The following MACROH2A1 variants were observed in gnomAD, a reference collection of about 807,000 sequenced individuals.
The protein encoded by MACROH2A1 is macroH2A.1 histone, also known as core histone macro-H2A.1.
MACROH2A1 carries 2 observed loss-of-function variants against 31.6 expected under a neutral mutation model. The ratio of observed to expected loss-of-function variants is 0.06; its 90% CI spans 0.03 to 0.20. The LOEUF (loss-of-function observed/expected upper bound fraction) is 0.20, where lower values mean the gene tolerates loss of function less well. Among genes scored for constraint, MACROH2A1 ranks in the 10% least tolerant of loss-of-function variants. The pLI is 1.00. For synonymous variants in MACROH2A1, 169 were observed against 189.6 expected (o/e 0.89, Z 0.89); for missense variants, 230 against 474.0 (o/e 0.49, Z 4.78).
chr5:135,339,380 C>G (rs780254538), intron 8 of MACROH2A1, among the ~76,000 whole-genome samples: 1 of 152,208 alleles, frequency 6.6e-6, no homozygotes, highest in Admixed American at 6.5e-5. Context: ...TCTCAGCCCT[C>G]TCCTTGAGTG....
At position 135,399,221 on chromosome 5, in the gene MACROH2A1, G is replaced by T. The variant is rs980137119; in HGVS notation, c.-193C>A. 1 of 151,976 alleles carries T rather than the reference G, an allele frequency of 6.6e-6. No homozygotes were observed. The highest frequency in any genetic ancestry group is 1.5e-5 in the Non-Finnish European group (1 of 68,040). The allele number at this position is 151,976 out of a possible 1,614,324, so 9.4% of individuals were successfully genotyped here. A position where few individuals can be genotyped will look rare whatever the true frequency, so the allele number is the denominator to read the frequency against. On this transcript the variant is annotated 5_prime_UTR_variant, in exon 1 of 9. Coordinates refer to ENST00000511689, the MANE Select transcript of MACROH2A1 (RefSeq NM_138610.3). The surrounding 1 kb of genome is among the most constrained non-coding windows in gnomAD (Gnocchi z 4.5). Reference sequence around the variant, plus strand: ...TCCCCCTCCGCCCGGCGCCGCTGCCGAGTGAACTGGAACCAGTCCTCGCGG... The same window carrying T: ...TCCCCCTCCGCCCGGCGCCGCTGCCTAGTGAACTGGAACCAGTCCTCGCGG...
intron 5 of MACROH2A1, chr5:135,356,935 G>A (rs1052730929): frequency 2.6e-5 from 4 of 152,164 alleles, no homozygotes; most frequent in Admixed American, 6.5e-5. Flanking sequence ...AACAGATAAG[G>A]AAGGAAGCCT....
intron 6 of MACROH2A1, chr5:135,351,013 G>C (rs1459062736): frequency 9.2e-6 from 7 of 757,684 alleles, no homozygotes; most frequent in Non-Finnish European, 1.4e-5. Context: ...CTACCTGGTC[G>C]ATTCCAACAT....
intron 2 of MACROH2A1, among the ~76,000 whole-genome samples, chr5:135,382,909 A>T (rs958113058): frequency 5.3e-5 from 8 of 152,174 alleles, no homozygotes; most frequent in Non-Finnish European, 1.0e-4. Context: ...AGAACCAGAT[A>T]AAAACTGTTT....
intron 4 of MACROH2A1, among the ~76,000 whole-genome samples, chr5:135,367,220 A>G (rs1763619210): frequency 6.6e-6 from 1 of 152,222 alleles, no homozygotes; most frequent in African/African-American, 2.4e-5. Flanking sequence ...AGCTGACACC[A>G]CAATTTACAT....
At chr5:135,385,629 C>T (rs1324454825) in intron 2 of MACROH2A1, among the ~76,000 whole-genome samples, 2 of 152,142 alleles carry the variant, frequency 1.3e-5, no homozygotes, top group Non-Finnish European at 2.9e-5. Context: ...AGGGGCTGGC[C>T]TGGCACCCAG....
In MACROH2A1 at chr5:135,360,558, T is replaced by C. The variant is rs762516461; in HGVS notation, c.527A>G (p.Glu176Gly). Residue 176 changes from glutamate to glycine, a missense_variant, in exon 5 of 9, where the codon GAG becomes GGG. Coordinates refer to ENST00000511689, the MANE Select transcript of MACROH2A1 (RefSeq NM_138610.3). ...SKAASADSTTEGTPADGFTVL... is the reference protein window; with the variant it reads ...SKAASADSTTGGTPADGFTVL... ...TGTGAAGCCGTCGGCAGGTGTGCCC[T>C]CGGTTGTGCTGTCGGCGCTGGCTGC... The C allele has an allele frequency of 1.2e-6, 2 of 1,613,996 alleles. No homozygotes were observed. Among genetic ancestry groups the C allele is most frequent in the Non-Finnish European group, 1.7e-6 (2 of 1,179,996 alleles).
chr5:135,343,443 G>A lies in MACROH2A1; in HGVS notation c.779-9C>T. 1 of 1,613,004 alleles carries A rather than the reference G, an allele frequency of 6.2e-7. No individual in the cohort carries two copies. Among genetic ancestry groups the A allele is most frequent in the Non-Finnish European group, 8.5e-7 (1 of 1,179,196 alleles). On this transcript the variant is annotated splice_polypyrimidine_tract_variant and intron_variant, in intron 7 of 8. Coordinates refer to ENST00000511689, the MANE Select transcript of MACROH2A1 (RefSeq NM_138610.3). ...GCCTGCGCTGACAGCAGCTAGTGGT[G>A]CGGGGATGAAACAGAAACAGTGAGC...
rs750002834 is a variant in MACROH2A1, at chr5:135,346,045, T to C, written c.701A>G (p.Glu234Gly). 6.2e-7 allele frequency: 1 copy of C among 1,613,204 alleles called. No homozygotes were observed. Among genetic ancestry groups the C allele is most frequent in the Non-Finnish European group, 8.5e-7 (1 of 1,179,144 alleles). The change falls in exon 7 of 9, where the codon GAG becomes GGG. Residue 234 changes from glutamate to glycine, a missense_variant. Transcript: ENST00000511689. ...DLKDDLGNTL[E>G]KKGGKEFVEA... ...CACAAACTCCTTGCCACCTTTCTTC[T>C]CCAGCGTGTTTCCTAGACAAGGACA...
At chr5:135,391,015 G>A (rs1360365629) in intron 1 of MACROH2A1, among the ~76,000 whole-genome samples, 1 of 152,176 alleles carries the variant, frequency 6.6e-6, no homozygotes, top group Admixed American at 6.5e-5. Flanking sequence ...GCTCACTGAG[G>A]GCTAGAGAGA....
At chr5:135,384,008 G>A (rs1766049286) in intron 2 of MACROH2A1, among the ~76,000 whole-genome samples, 2 of 152,128 alleles carry the variant, frequency 1.3e-5, no homozygotes, top group South Asian at 4.1e-4. Flanking sequence ...CTGAGTCCAG[G>A]ACACATTTGA....
At chr5:135,351,005 A>G in intron 6 of MACROH2A1, 2 of 829,304 alleles carry the variant, frequency 2.4e-6, no homozygotes, top group South Asian at 3.1e-5. Flanking sequence ...GGGCTGGCCT[A>G]CCTGGTCGAT....
Position 135,334,838 on chromosome 5 carries a change from C to A in MACROH2A1, c.*138G>T. On this transcript the variant is annotated 3_prime_UTR_variant, in exon 9 of 9. Coordinates refer to ENST00000511689, the MANE Select transcript of MACROH2A1 (RefSeq NM_138610.3). ...AGGTCAAAAACAATTAAACTGGAAA[C>A]CAAAGCCTTATTTTCCCTAGATGAG... 1 of 722,522 alleles carries A rather than the reference C, an allele frequency of 1.4e-6. No individual in the cohort carries two copies. Among genetic ancestry groups the A allele is most frequent in the South Asian group, 1.9e-5 (1 of 52,846 alleles). The allele number at this position is 722,522 out of a possible 1,614,324, so 44.8% of individuals were successfully genotyped here. A position where few individuals can be genotyped will look rare whatever the true frequency, so the allele number is the denominator to read the frequency against.
chr5:135,367,360 A>G (rs1285442375), intron 4 of MACROH2A1, among the ~76,000 whole-genome samples: 1 of 152,226 alleles, frequency 6.6e-6, no homozygotes, highest in Non-Finnish European at 1.5e-5. Flanking sequence ...ACAGACCACC[A>G]TAACAGGCTT....
At chr5:135,343,208 G>T (rs764454621) in intron 8 of MACROH2A1, 52 bp downstream of exon 8, 1 of 1,608,958 alleles carries the variant, frequency 6.2e-7, no homozygotes, top group Non-Finnish European at 8.5e-7. Context: ...TGGGCCATGT[G>T]TGCGCAGAGA....
At chr5:135,380,942 T>C (rs1765577192) in intron 2 of MACROH2A1, among the ~76,000 whole-genome samples, 2 of 152,344 alleles carry the variant, frequency 1.3e-5, no homozygotes, top group South Asian at 2.1e-4. Flanking sequence ...GATTTTACCA[T>C]TGGTGTTATT....
Position 135,369,315 on chromosome 5 carries a change from C to G in MACROH2A1, c.477+91G>C. On this transcript the variant is annotated intron_variant, in intron 4 of 8. Transcript: ENST00000511689. The surrounding 1 kb of genome is among the most constrained non-coding windows in gnomAD (Gnocchi z 4.3). The stretch of plus-strand genomic sequence containing the variant: ...TTTATTCTCCCATCAGTGGGATGAG[C>G]CCACAGGGGGAATGAGGGGGGTGCC... 4 of 1,018,630 alleles carry G rather than the reference C, an allele frequency of 3.9e-6. No individual in the cohort carries two copies. Among genetic ancestry groups the G allele is most frequent in the African/African-American group, 1.6e-5 (1 of 63,294 alleles). 63.1% of individuals were successfully genotyped at this position (1,018,630 alleles called of 1,614,324 possible).
intron 8 of MACROH2A1, among the ~76,000 whole-genome samples, chr5:135,341,677 G>A (rs975628089): frequency 1.3e-5 from 2 of 152,248 alleles, no homozygotes; most frequent in East Asian, 1.9e-4. Flanking sequence ...TACTTGAGGT[G>A]TGGGACCTCA....
intron 2 of MACROH2A1, among the ~76,000 whole-genome samples, chr5:135,388,001 T>A (rs1766654035): frequency 7.3e-6 from 1 of 137,064 alleles, no homozygotes; most frequent in African/African-American, 2.8e-5. Context: ...ATGAAATGAA[T>A]ATAACTTACT....
Sources: gnomAD v4.1 joint callset for allele counts (sites outside exome capture counted in the v4.1 genomes callset) on GRCh38, gnomAD v4.1.1 for gene constraint, Gnocchi (gnomAD v3.1) non-coding constraint, MANE v1.5 for transcripts, NCBI Gene and HGNC (gene_info 2026-07-23, HGNC 2026-07-21) for gene names.